SAMMSON: variants seen among roughly 807,000 people sequenced by gnomAD.
SAMMSON encodes survival associated mitochondrial melanoma specific oncogenic non-coding RNA, also known as long intergenic non-protein coding RNA 1212.
At chr3:70,081,329 G>T (rs775190689) in intron 4 of SAMMSON, among the ~76,000 whole-genome samples, 1 of 152,198 alleles carries the variant, frequency 6.6e-6, no homozygotes, top group Non-Finnish European at 1.5e-5. Flanking sequence ...CAGCCAGGAT[G>T]GTCTCCATCT....
intron 6 of SAMMSON, among the ~76,000 whole-genome samples, chr3:70,290,242 T>C (rs1416190241): frequency 1.3e-5 from 2 of 152,314 alleles, no homozygotes; most frequent in East Asian, 1.9e-4. Context: ...GTTTTTGGTG[T>C]GGATGTCCTT....
At chr3:70,029,043 G>A (rs2067054020) in intron 3 of SAMMSON, among the ~76,000 whole-genome samples, 1 of 152,138 alleles carries the variant, frequency 6.6e-6, no homozygotes, top group African/African-American at 2.4e-5. Context: ...GTGTCCATGA[G>A]CTAAACCATT....
intron 3 of SAMMSON, chr3:70,068,178 A>C (rs1323590056): frequency 6.6e-6 from 1 of 152,016 alleles, no homozygotes; most frequent in Non-Finnish European, 1.5e-5. Flanking sequence ...ACCAACAAGC[A>C]TTTTCTTTTC....
At chr3:70,395,150 C>T (rs1300375714) in intron 2 of SAMMSON, among the ~76,000 whole-genome samples, 4 of 152,048 alleles carry the variant, frequency 2.6e-5, no homozygotes, top group Non-Finnish European at 5.9e-5. Flanking sequence ...TCAGGCCCAC[C>T]CTGGGGAATG....
chr3:70,150,701 A>T (rs1009287467), intron 4 of SAMMSON, among the ~76,000 whole-genome samples: 1 of 152,112 alleles, frequency 6.6e-6, no homozygotes, highest in African/African-American at 2.4e-5. Flanking sequence ...GTAAGATTAC[A>T]TGAGTGACAA....
At chr3:70,129,039 G>T (rs1363795653) in intron 4 of SAMMSON, among the ~76,000 whole-genome samples, 1 of 152,058 alleles carries the variant, frequency 6.6e-6, no homozygotes. Context: ...ACCCGGTCTG[G>T]CACCAATAAA....
At chr3:70,010,528 G>A (rs1269079387) in intron 1 of SAMMSON, among the ~76,000 whole-genome samples, 3 of 152,058 alleles carry the variant, frequency 2.0e-5, no homozygotes, top group Non-Finnish European at 4.4e-5. Flanking sequence ...GAAGATGGAT[G>A]CTATTTTCAC....
At chr3:70,421,666 A>G (rs900220835) in intron 2 of SAMMSON, among the ~76,000 whole-genome samples, 1 of 152,140 alleles carries the variant, frequency 6.6e-6, no homozygotes, top group African/African-American at 2.4e-5. Flanking sequence ...AATTATCTCC[A>G]CAGTAGGAAT....
At chr3:70,113,924 C>T (rs2067399829) in intron 4 of SAMMSON, among the ~76,000 whole-genome samples, 1 of 152,172 alleles carries the variant, frequency 6.6e-6, no homozygotes, top group African/African-American at 2.4e-5. Flanking sequence ...AGAGGGCCCT[C>T]ATTAGGAAGC....
Position 70,320,432 on chromosome 3 carries a change from A to G in SAMMSON, n.739+29189A>G, listed in dbSNP as rs186195959. ...TGGATTTGCAAGTTTGTTTTCTACCATCAGCAGAAATGTGGGGTCAAATGC... is the reference window on the plus strand; with the variant it reads ...TGGATTTGCAAGTTTGTTTTCTACCGTCAGCAGAAATGTGGGGTCAAATGC... On this transcript the variant is annotated intron_variant and non_coding_transcript_variant, in intron 7 of 9. Transcript: ENST00000642114. Among the ~76,000 whole-genome samples, 9 of 152,198 alleles carry G rather than the reference A, an allele frequency of 5.9e-5. No homozygotes were observed. In the East Asian group the frequency reaches 1.6e-3, roughly 26 times the overall value.
At chr3:70,140,854 T>A (rs958786982) in intron 4 of SAMMSON, among the ~76,000 whole-genome samples, 28 of 152,146 alleles carry the variant, frequency 1.8e-4, no homozygotes, top group African/African-American at 6.5e-4. Flanking sequence ...TGAGTCTTCA[T>A]CAGAATAGCC....
At chr3:70,299,880 T>C (rs915585134) in intron 7 of SAMMSON, among the ~76,000 whole-genome samples, 1 of 152,064 alleles carries the variant, frequency 6.6e-6, no homozygotes, top group Admixed American at 6.6e-5. Context: ...AACCTAACGT[T>C]AAAAGTCCTT....
chr3:70,292,243 T>G (rs976540232), intron 7 of SAMMSON, among the ~76,000 whole-genome samples: 1 of 152,210 alleles, frequency 6.6e-6, no homozygotes, highest in Non-Finnish European at 1.5e-5. Context: ...GATTGAGTGG[T>G]ACATCTTGTG....
chr3:70,248,496 A>C (rs1701729949), intron 4 of SAMMSON, among the ~76,000 whole-genome samples: 1 of 152,156 alleles, frequency 6.6e-6, no homozygotes, highest in Non-Finnish European at 1.5e-5. Context: ...AAGTAGGCAT[A>C]GCTCAGAACT....
chr3:70,083,692 G>A (rs1043646365), intron 4 of SAMMSON, among the ~76,000 whole-genome samples: 36 of 152,104 alleles, frequency 2.4e-4, no homozygotes, highest in African/African-American at 8.7e-4. Flanking sequence ...GTGAACTCCT[G>A]CAGATCCTCT....
chr3:70,296,160 G>C (rs1702287610), intron 7 of SAMMSON, among the ~76,000 whole-genome samples: 1 of 151,920 alleles, frequency 6.6e-6, no homozygotes, highest in Non-Finnish European at 1.5e-5. Context: ...TTTGTAATAA[G>C]ACAAACATAA....
chr3:70,116,819 C>T (rs2067413568), intron 4 of SAMMSON, among the ~76,000 whole-genome samples: 1 of 152,004 alleles, frequency 6.6e-6, no homozygotes, highest in African/African-American at 2.4e-5. Context: ...TCATACAATC[C>T]CAAAGCTTTC....
At chr3:70,315,253 A>G (rs1702487106) in intron 7 of SAMMSON, among the ~76,000 whole-genome samples, 1 of 152,010 alleles carries the variant, frequency 6.6e-6, no homozygotes, top group African/African-American at 2.4e-5. Context: ...GTTTTTCTTT[A>G]TCATTTTTCT....
At chr3:70,054,237 G>A (rs897319791) in intron 3 of SAMMSON, among the ~76,000 whole-genome samples, 2 of 152,028 alleles carry the variant, frequency 1.3e-5, no homozygotes, top group African/African-American at 2.4e-5. Flanking sequence ...TGCTGTACTC[G>A]CATTCTCACA....
Sources: gnomAD v4.1 joint callset for allele counts (sites outside exome capture counted in the v4.1 genomes callset) on GRCh38, gnomAD v4.1.1 for gene constraint, MANE v1.5 for transcripts, NCBI Gene and HGNC (gene_info 2026-07-23, HGNC 2026-07-21) for gene names.